SNAP47: variants seen among roughly 807,000 people sequenced by gnomAD.
The protein encoded by SNAP47 is synaptosomal-associated protein 47.
SNAP47 carries 20 observed loss-of-function variants against 31.4 expected under a neutral mutation model. The ratio of observed to expected loss-of-function variants is 0.64; its 90% CI spans 0.45 to 0.93. The LOEUF (loss-of-function observed/expected upper bound fraction) is 0.93, where lower values mean the gene tolerates loss of function less well. SNAP47 is among the 40% of genes least tolerant of loss of function. The probability of loss-of-function intolerance (pLI) is 0.00; values close to 1 mark genes in which losing one functional copy is unlikely to be tolerated. For synonymous variants in SNAP47, 194 were observed against 213.4 expected, an observed-to-expected ratio of 0.91 and a Z score of 0.79; for missense variants, 492 against 528.5, an observed-to-expected ratio of 0.93 and a Z score of 0.68.
In SNAP47 at chr1:227,758,996, T is replaced by C. The variant is rs1662866413; in HGVS notation, c.499T>C (p.Leu167=). 3 of 1,571,816 alleles carry C rather than the reference T, an allele frequency of 1.9e-6. No individual in the cohort carries two copies. The highest frequency in any genetic ancestry group is 2.6e-6 in the Non-Finnish European group (3 of 1,162,632). The change falls in exon 3 of 5, where the codon TTG becomes CTG. Residue 167 remains leucine (L), a splice_region_variant and synonymous_variant. Coordinates refer to ENST00000617596, the MANE Select transcript of SNAP47 (RefSeq NM_053052.4). ...TCCATGTTTTGTTTGCTTTTTCAGA[T>C]TGCTGACAGAACTGGAATCTCCTGC... ...MESDLEVADR[L]LTELESPAWW... is the part of the protein sequence containing the mutation.
upstream of SNAP47, chr1:227,733,768 A>C (rs1047364545): frequency 5.0e-6 from 8 of 1,587,978 alleles, no homozygotes; most frequent in Non-Finnish European, 6.8e-6. Flanking sequence ...CAACTGAAGG[A>C]GGGGTGGCCC....
chr1:227,739,790 ACAC>A (rs992237134), intron 1 of SNAP47, among the ~76,000 whole-genome samples: 8 of 152,120 alleles, frequency 5.3e-5, no homozygotes, highest in Middle Eastern at 3.2e-3. Context: ...TTGGCTGCAG[ACAC>A]CCTTGGGCCC....
chr1:227,748,146 C>G lies in SNAP47; in HGVS notation c.410C>G (p.Ala137Gly). Reference sequence around the variant, plus strand: ...TCCCAGAAACGCCTGGAGGACACGGCGAGGGTCCTGCACCACCAGGGCCAG... The same window carrying G: ...TCCCAGAAACGCCTGGAGGACACGGGGAGGGTCCTGCACCACCAGGGCCAG... ...AGSQKRLEDT[A>G]RVLHHQGQQL... Residue 137 changes from alanine (A) to glycine (G), a missense_variant, in exon 2 of 5, where the codon GCG becomes GGG. Transcript: ENST00000617596. The G allele has an allele frequency of 1.9e-6, 3 of 1,613,754 alleles. No individual in the cohort carries two copies. The highest frequency in any genetic ancestry group is 2.5e-6 in the Non-Finnish European group (3 of 1,179,976).
rs561557210 is a variant in SNAP47, at chr1:227,775,053, G to C, written c.1114-5474G>C. 7.9e-5 allele frequency among the ~76,000 whole-genome samples: 12 copies of C among 152,324 alleles called. No individual in the cohort carries two copies. The South Asian group carries it at 2.3e-3, about 29-fold the overall frequency. On this transcript the variant is annotated intron_variant, in intron 4 of 4. Coordinates refer to ENST00000617596, the MANE Select transcript of SNAP47 (RefSeq NM_053052.4). ...GCTCATTGCCTCGACCCACCGCCGC[G>C]GGGGCGTCCTGAGGAGGGGGGCCCT...
chr1:227,766,900 A>G (rs961872662), intron 3 of SNAP47, 59 bp from the exon 4 acceptor site: 2 of 1,603,376 alleles, frequency 1.2e-6, no homozygotes, highest in African/African-American at 1.3e-5. Context: ...CATCCAGAGC[A>G]CACGAGGGTT....
At chr1:227,752,293 T>C (rs1457581111) in intron 2 of SNAP47, among the ~76,000 whole-genome samples, 2 of 152,192 alleles carry the variant, frequency 1.3e-5, no homozygotes, top group Admixed American at 6.5e-5. Flanking sequence ...ATCTGTGTTC[T>C]TGGCAGATTT....
chr1:227,759,571 G>A, intron 3 of SNAP47, 86 bp downstream of exon 3: 13 of 1,529,480 alleles, frequency 8.5e-6, no homozygotes, highest in Non-Finnish European at 1.1e-5. Context: ...ATGCCTAACA[G>A]ATGCGTCACC....
chr1:227,733,617 T>G (rs1442598895), upstream of SNAP47: 2 of 1,604,452 alleles, frequency 1.2e-6, no homozygotes, highest in Non-Finnish European at 1.7e-6. Context: ...AGGAGCCACT[T>G]CTTCCTCCCA....
rs940006059 is a variant in SNAP47, at chr1:227,763,383, G to A, written c.989-3576G>A. 2.0e-5 allele frequency among the ~76,000 whole-genome samples: 3 copies of A among 152,186 alleles called. No homozygotes were observed. Among genetic ancestry groups the A allele is most frequent in the Non-Finnish European group, 4.4e-5 (3 of 68,048 alleles). On this transcript the variant is annotated intron_variant, in intron 3 of 4. Coordinates refer to ENST00000617596, the MANE Select transcript of SNAP47 (RefSeq NM_053052.4). The surrounding 1 kb of genome is among the most constrained non-coding windows in gnomAD (Gnocchi z 4.2). Reference sequence around the variant, plus strand: ...GCCTTGCCTGTACCTCTGCTTCCCCGGGCCGTGTGTCTGTCTGCACAGCAG... The same window carrying A: ...GCCTTGCCTGTACCTCTGCTTCCCCAGGCCGTGTGTCTGTCTGCACAGCAG...
intron 1 of SNAP47, among the ~76,000 whole-genome samples, chr1:227,739,187 G>A (rs1156901492): frequency 6.6e-6 from 1 of 152,088 alleles, no homozygotes; most frequent in South Asian, 2.1e-4. Context: ...TTAAAACGGG[G>A]TCTTCCTCTG....
At chr1:227,759,549 C>T (rs976521515) in intron 3 of SNAP47, 64 bp downstream of exon 3, 8 of 1,562,640 alleles carry the variant, frequency 5.1e-6, no homozygotes, top group Non-Finnish European at 6.9e-6. Flanking sequence ...AGACTCAGCA[C>T]GCCTGTGGGA....
chr1:227,773,436 A>G (rs1395188415), intron 4 of SNAP47, among the ~76,000 whole-genome samples: 1 of 152,226 alleles, frequency 6.6e-6, no homozygotes, highest in Non-Finnish European at 1.5e-5. Flanking sequence ...TGTAATATAC[A>G]AAAGTTACAG....
At chr1:227,740,221 A>C (rs1229201835) in intron 1 of SNAP47, among the ~76,000 whole-genome samples, 1 of 152,240 alleles carries the variant, frequency 6.6e-6, no homozygotes, top group Non-Finnish European at 1.5e-5. Flanking sequence ...CCTGGTGTGG[A>C]AAGGCTGCTG....
chr1:227,759,624 TG>T, intron 3 of SNAP47, 139 bp downstream of exon 3: 1 of 1,127,406 alleles, frequency 8.9e-7, no homozygotes, highest in Non-Finnish European at 1.3e-6. Flanking sequence ...ACAGCTCGTT[TG>T]TTTATACATA....
intron 2 of SNAP47, among the ~76,000 whole-genome samples, chr1:227,750,310 G>A (rs1202395845): frequency 5.9e-5 from 9 of 152,246 alleles, no homozygotes; most frequent in Non-Finnish European, 7.3e-5. Context: ...TCTGTTTCTC[G>A]GATCAGTTCT....
In SNAP47 at chr1:227,759,096, G is replaced by T; in HGVS notation, c.599G>T (p.Ser200Ile). 1 of 1,614,188 alleles carries T rather than the reference G, an allele frequency of 6.2e-7. No individual in the cohort carries two copies. Among genetic ancestry groups the T allele is most frequent in the Non-Finnish European group, 8.5e-7 (1 of 1,180,044 alleles). Residue 200 changes from serine to isoleucine, a missense_variant, in exon 3 of 5, where the codon AGT becomes ATT. Coordinates refer to ENST00000617596, the MANE Select transcript of SNAP47 (RefSeq NM_053052.4). ...CCCAGGGAAGATGTCTCCATGACCA[G>T]TTGTGAACCCTTTGGGAAAGAAGGG... Reference protein sequence around the residue: ...TKPREDVSMTSCEPFGKEGIL... With the variant: ...TKPREDVSMTICEPFGKEGIL...
chr1:227,728,179 G>A (rs1404688339), upstream of SNAP47, among the ~76,000 whole-genome samples: 1 of 152,224 alleles, frequency 6.6e-6, no homozygotes, highest in Non-Finnish European at 1.5e-5. Flanking sequence ...CAGGCGGTGA[G>A]TCAACGGGCA....
chr1:227,780,510 C>T lies in SNAP47; in HGVS notation c.1114-17C>T, dbSNP rs774701935. On this transcript the variant is annotated splice_polypyrimidine_tract_variant and intron_variant, in intron 4 of 4. Transcript: ENST00000617596. Reference sequence around the variant, plus strand: ...CAGAGATGGCAGCCTCTGCTGTGATCTTGTGCTTCTCCCCAGATCCTGAGG... The same window carrying T: ...CAGAGATGGCAGCCTCTGCTGTGATTTTGTGCTTCTCCCCAGATCCTGAGG... 6 of 1,613,606 alleles carry T rather than the reference C, an allele frequency of 3.7e-6. No individual in the cohort carries two copies. The South Asian group carries it at 6.6e-5, about 18-fold the overall frequency.
chr1:227,773,127 ATTTTTTTTTTT>A (rs34140624), intron 4 of SNAP47, among the ~76,000 whole-genome samples: 1 of 102,372 alleles, frequency 9.8e-6, no homozygotes, highest in African/African-American at 4.1e-5. Context: ...CGTCCAGCTA[ATTTTTTTTTTT>A]TTTTTTTTTT....
Sources: allele counts gnomAD v4.1 joint callset (sites outside exome capture counted in the v4.1 genomes callset), GRCh38; gene constraint gnomAD v4.1.1; non-coding constraint Gnocchi (gnomAD v3.1); transcripts MANE v1.5; gene names NCBI Gene and HGNC (gene_info 2026-07-23, HGNC 2026-07-21).